WDR33: variants seen among roughly 807,000 people sequenced by gnomAD.
WDR33 encodes pre-mRNA 3' end processing protein WDR33.
In WDR33, 47 loss-of-function variants were observed where a neutral mutation model predicts 164.9. That is an observed-to-expected ratio of 0.29 (90% CI 0.23 to 0.36). WDR33 has a LOEUF of 0.36. WDR33 is among the 10% of genes least tolerant of loss of function. WDR33 has a pLI of 1.00. For synonymous variants in WDR33, 505 were observed against 589.0 expected (o/e 0.86, Z 2.06); for missense variants, 1,137 against 1,754.1 (o/e 0.65, Z 6.28).
chr2:127,784,207 G>A (rs1239989088), intron 1 of WDR33, among the ~76,000 whole-genome samples: 1 of 151,688 alleles, frequency 6.6e-6, no homozygotes, highest in Non-Finnish European at 1.5e-5. Flanking sequence ...AAAAATAGCC[G>A]GGCATATATG....
intron 7 of WDR33, among the ~76,000 whole-genome samples, chr2:127,742,111 A>G (rs909621217): frequency 6.6e-6 from 1 of 152,168 alleles, no homozygotes; most frequent in Admixed American, 6.5e-5. Flanking sequence ...CTGAGGCAGG[A>G]GAAACACTTG....
At chr2:127,760,676 C>T (rs1480552201) in intron 7 of WDR33, among the ~76,000 whole-genome samples, 1 of 152,174 alleles carries the variant, frequency 6.6e-6, no homozygotes, top group African/African-American at 2.4e-5. Context: ...ATCAGAATTA[C>T]TGCTTGGGTG....
intron 7 of WDR33, among the ~76,000 whole-genome samples, chr2:127,742,543 G>T (rs62161998): frequency 1.4e-5 from 2 of 144,104 alleles, no homozygotes; most frequent in Admixed American, 6.8e-5. Flanking sequence ...AAAAAAAAGG[G>T]AAGAAAAAAT....
At chr2:127,779,444 C>T (rs1000304955) in intron 1 of WDR33, among the ~76,000 whole-genome samples, 3 of 151,722 alleles carry the variant, frequency 2.0e-5, no homozygotes, top group African/African-American at 7.3e-5. Context: ...CTAGCCTGGG[C>T]AACAGGGCGA....
chr2:127,732,363 T>G (rs1213629934), intron 7 of WDR33, among the ~76,000 whole-genome samples: 1 of 151,512 alleles, frequency 6.6e-6, no homozygotes, highest in South Asian at 2.1e-4. Flanking sequence ...GAGTGGGAAG[T>G]TGAGCACAGG....
intron 7 of WDR33, among the ~76,000 whole-genome samples, chr2:127,750,684 A>C (rs1160670005): frequency 4.8e-5 from 2 of 41,416 alleles, no homozygotes; most frequent in African/African-American, 3.7e-4. Context: ...AAAAATATAT[A>C]TATATATATA....
At position 127,787,482 on chromosome 2, in the gene WDR33, G is replaced by C. The variant is rs1197447757; in HGVS notation, c.-23-16478C>G. Among the ~76,000 whole-genome samples the C allele has an allele frequency of 3.7e-4, 51 of 138,096 alleles. 1 individual carries two copies. The highest frequency in any genetic ancestry group is 3.5e-3 in the Admixed American group (51 of 14,678). 90.6% of individuals were successfully genotyped at this position (138,096 alleles called of 152,430 possible). On this transcript the variant is annotated intron_variant, in intron 1 of 21. Transcript: ENST00000322313. ...CCCGGACGGGGCAGCTGGCCGGGCG[G>C]GGGGCTGACCCCCCCCACCTCCCTC...
Position 127,763,969 on chromosome 2 carries a change from A to C in WDR33, c.627-810T>G. The C allele has an allele frequency of 3.0e-6, 3 of 985,854 alleles. No homozygotes were observed. The highest frequency in any genetic ancestry group is 3.6e-6 in the Non-Finnish European group (3 of 830,270). 61.1% of individuals were successfully genotyped at this position (985,854 alleles called of 1,614,324 possible). A position where few individuals can be genotyped will look rare whatever the true frequency, so the allele number is the denominator to read the frequency against. ...TCCAACAATTTCTGTTAAGATTCTG[A>C]AAGTATGAACAAATGACTACAGTGG... On this transcript the variant is annotated intron_variant, in intron 6 of 21. Coordinates refer to ENST00000322313, the MANE Select transcript of WDR33 (RefSeq NM_018383.5). The surrounding 1 kb of genome is among the most constrained non-coding windows in gnomAD (Gnocchi z 4.5).
intron 7 of WDR33, among the ~76,000 whole-genome samples, chr2:127,758,767 A>C (rs1215632843): frequency 6.6e-6 from 1 of 152,174 alleles, no homozygotes; most frequent in Non-Finnish European, 1.5e-5. Flanking sequence ...TATGCCCATA[A>C]AACTACACTT....
At chr2:127,795,939 G>A (rs1689023699) in intron 1 of WDR33, among the ~76,000 whole-genome samples, 1 of 151,890 alleles carries the variant, frequency 6.6e-6, no homozygotes, top group South Asian at 2.1e-4. Context: ...AAGCAACCTT[G>A]ATGGAATGTT....
chr2:127,711,770 ATATATATATATTTT>A (rs1452717527), intron 18 of WDR33, among the ~76,000 whole-genome samples: 1 of 77,894 alleles, frequency 1.3e-5, no homozygotes, highest in African/African-American at 8.3e-5. Flanking sequence ...ATATATATAT[ATATATATATATTTT>A]TTTTTTGAGA....
At chr2:127,759,388 C>T (rs1017383783) in intron 7 of WDR33, among the ~76,000 whole-genome samples, 1 of 152,104 alleles carries the variant, frequency 6.6e-6, no homozygotes, top group Non-Finnish European at 1.5e-5. Context: ...CTCAGAAATA[C>T]TATAATAAAA....
In WDR33 at chr2:127,714,186, A is replaced by G. The variant is rs1686245905; in HGVS notation, c.2870-165T>C. Among the ~76,000 whole-genome samples the G allele has an allele frequency of 6.6e-6, 1 of 152,192 alleles. No individual in the cohort carries two copies. Among genetic ancestry groups the G allele is most frequent in the South Asian group, 2.1e-4 (1 of 4,824 alleles). The stretch of plus-strand genomic sequence containing the variant: ...ACAAATGTCCCTGAAGCATTGGGTA[A>G]TAGAACAGGAGCTTTGGGGTGCAGA... On this transcript the variant is annotated intron_variant, in intron 17 of 21. Transcript: ENST00000322313. This position sits in a 1 kb window ranked among gnomAD's most constrained non-coding sequence, Gnocchi z 4.3.
chr2:127,764,582 G>C lies in WDR33; in HGVS notation c.626+246C>G. On this transcript the variant is annotated intron_variant, in intron 6 of 21. Transcript: ENST00000322313. The surrounding 1 kb of genome is among the most constrained non-coding windows in gnomAD (Gnocchi z 6.2). ...AATCATAAATGAAAAGAGAAAACCAGTGCAAAATGCGGCAGACAGTACATC... is the reference window on the plus strand; with the variant it reads ...AATCATAAATGAAAAGAGAAAACCACTGCAAAATGCGGCAGACAGTACATC... 1 of 1,551,734 alleles carries C rather than the reference G, an allele frequency of 6.4e-7. No homozygotes were observed. The highest frequency in any genetic ancestry group is 8.7e-7 in the Non-Finnish European group (1 of 1,147,006).
intron 1 of WDR33, among the ~76,000 whole-genome samples, chr2:127,777,905 C>T (rs1294076823): frequency 3.9e-5 from 6 of 152,190 alleles, no homozygotes; most frequent in African/African-American, 1.2e-4. Flanking sequence ...AGCCACTGCA[C>T]CTGGTCAATT....
Position 127,720,421 on chromosome 2 carries a change from C to T in WDR33, c.1672-68G>A, listed in dbSNP as rs73954896. 3.6e-3 allele frequency: 5,354 copies of T among 1,471,930 alleles called. 161 individuals carry two copies. In the African/African-American group the frequency reaches 0.066, roughly 18 times the overall value. 91.2% of individuals were successfully genotyped at this position (1,471,930 alleles called of 1,614,324 possible). ...AGAGCCCTTGAAGATGACAATATTG[C>T]TATCATGTATTCTGTTAGGGGACTC... On this transcript the variant is annotated intron_variant, in intron 15 of 21. Transcript: ENST00000322313. This position sits in a 1 kb window ranked among gnomAD's most constrained non-coding sequence, Gnocchi z 5.9.
At chr2:127,793,891 T>C (rs1003853808) in intron 1 of WDR33, among the ~76,000 whole-genome samples, 8 of 152,058 alleles carry the variant, frequency 5.3e-5, no homozygotes, top group African/African-American at 1.9e-4. Flanking sequence ...TCCCTGAACT[T>C]TGGGAGGCCA....
At chr2:127,745,020 T>C (rs558937787) in intron 7 of WDR33, among the ~76,000 whole-genome samples, 50 of 152,298 alleles carry the variant, frequency 3.3e-4, no homozygotes, top group African/African-American at 1.1e-3. Context: ...GATCCCCATA[T>C]ACATCAGTTA....
chr2:127,708,812 G>A lies in WDR33; in HGVS notation c.3646C>T (p.Arg1216Cys), dbSNP rs181571193. Residue 1216 changes from arginine to cysteine, a missense_variant, in exon 21 of 22, where the codon CGC becomes TGC. Transcript: ENST00000322313. The surrounding 1 kb of genome is among the most constrained non-coding windows in gnomAD (Gnocchi z 6.7). ...TCCATGCCTTGGAGAGAAGAGGAGC[G>A]TTCTCTGCTGGCTGGGGAATGACCG... ...HDGHSPASRE[R>C]SSSLQGMDMA... 49 of 1,613,244 alleles carry A rather than the reference G, an allele frequency of 3.0e-5. No individual in the cohort carries two copies. The highest frequency in any genetic ancestry group is 1.7e-4 in the Admixed American group (10 of 59,900).
Sources: allele counts gnomAD v4.1 joint callset (sites outside exome capture counted in the v4.1 genomes callset), GRCh38; gene constraint gnomAD v4.1.1; non-coding constraint Gnocchi (gnomAD v3.1); transcripts MANE v1.5; gene names NCBI Gene and HGNC (gene_info 2026-07-23, HGNC 2026-07-21).